Variants in NAALADL2 observed in about 807,000 individuals in gnomAD.
The protein encoded by NAALADL2 is N-acetylated alpha-linked acidic dipeptidase like 2.
A neutral mutation model predicts 87.2 loss-of-function variants in NAALADL2; 76 were observed. That is an observed-to-expected ratio of 0.87 (90% CI 0.72 to 1.05). NAALADL2 has a LOEUF of 1.05. Ranked by LOEUF, NAALADL2 falls within the 50% of genes least tolerant of loss-of-function variation. The pLI is 0.00. For missense variants in NAALADL2, 1,089 were observed against 945.8 expected, an observed-to-expected ratio of 1.15 and a Z score of -1.99; for synonymous variants, 354 against 331.0, an observed-to-expected ratio of 1.07 and a Z score of -0.75.
intron 11 of NAALADL2, among the ~76,000 whole-genome samples, chr3:175,711,514 CATTT>C (rs931939968): frequency 8.6e-5 from 13 of 151,744 alleles, no homozygotes; most frequent in African/African-American, 3.1e-4. Context: ...ATAGAATTTT[CATTT>C]ATTCACAAAA....
intron 3 of NAALADL2, among the ~76,000 whole-genome samples, chr3:174,824,807 C>T (rs1167025832): frequency 3.9e-5 from 6 of 151,948 alleles, no homozygotes; most frequent in Admixed American, 6.6e-5. Context: ...ACTGTTCCTA[C>T]GAACAGATAA....
intron 2 of NAALADL2, among the ~76,000 whole-genome samples, chr3:174,641,679 C>A (rs1723201263): frequency 1.3e-5 from 2 of 152,176 alleles, no homozygotes; most frequent in African/African-American, 4.8e-5. Context: ...AACTAGACAT[C>A]AAAGATGAGA....
intron 9 of NAALADL2, among the ~76,000 whole-genome samples, chr3:175,502,669 G>T (rs188042520): frequency 6.7e-6 from 1 of 149,782 alleles, no homozygotes; most frequent in Non-Finnish European, 1.5e-5. Flanking sequence ...GAGTCAATTC[G>T]TTATAATAAA....
chr3:174,653,169 C>CT (rs1195915239), intron 2 of NAALADL2, among the ~76,000 whole-genome samples: 1 of 152,264 alleles, frequency 6.6e-6, no homozygotes, highest in Non-Finnish European at 1.5e-5. Context: ...TACACATACT[C>CT]TAAGTTCCAA....
intron 1 of NAALADL2, among the ~76,000 whole-genome samples, chr3:175,065,977 A>T (rs1254698235): frequency 1.3e-5 from 2 of 152,154 alleles, no homozygotes; most frequent in Non-Finnish European, 2.9e-5. Context: ...CAAGCTCCAG[A>T]TATGAGTGAA....
At chr3:174,712,836 G>T (rs1730791508) in intron 2 of NAALADL2, among the ~76,000 whole-genome samples, 1 of 151,730 alleles carries the variant, frequency 6.6e-6, no homozygotes, top group Non-Finnish European at 1.5e-5. Context: ...AAGTTTTAGG[G>T]TACATGTGCA....
intron 5 of NAALADL2, among the ~76,000 whole-genome samples, chr3:175,446,877 T>C (rs1319830368): frequency 1.3e-5 from 2 of 152,174 alleles, no homozygotes; most frequent in Admixed American, 6.5e-5. Flanking sequence ...CACTTACATA[T>C]CTGCTTTCCA....
chr3:175,714,968 A>G (rs1476340407), intron 11 of NAALADL2, among the ~76,000 whole-genome samples: 4 of 152,208 alleles, frequency 2.6e-5, no homozygotes, highest in African/African-American at 9.6e-5. Flanking sequence ...GGACATAGCC[A>G]TGGGCAAAGA....
chr3:175,747,651 T>C (rs1486056489), intron 12 of NAALADL2, among the ~76,000 whole-genome samples: 1 of 152,120 alleles, frequency 6.6e-6, no homozygotes, highest in Non-Finnish European at 1.5e-5. Context: ...TTTTTTTTTC[T>C]TTTTCAGTTT....
At chr3:174,871,341 G>T (rs1032821776) in intron 1 of NAALADL2, among the ~76,000 whole-genome samples, 2 of 152,082 alleles carry the variant, frequency 1.3e-5, no homozygotes, top group East Asian at 1.9e-4. Flanking sequence ...TAGCCTTAGG[G>T]TATGAAGAGA....
intron 12 of NAALADL2, among the ~76,000 whole-genome samples, chr3:175,753,013 G>A (rs1432863689): frequency 6.6e-6 from 1 of 152,010 alleles, no homozygotes; most frequent in Non-Finnish European, 1.5e-5. Context: ...TCATAAAATG[G>A]CATTGAGTAA....
intron 1 of NAALADL2, among the ~76,000 whole-genome samples, chr3:174,965,263 G>A (rs1394152009): frequency 2.6e-5 from 4 of 152,130 alleles, no homozygotes; most frequent in Non-Finnish European, 4.4e-5. Context: ...CACAGTGCTG[G>A]TACCAACAGG....
chr3:175,142,363 A>G (rs1242038568), intron 2 of NAALADL2, among the ~76,000 whole-genome samples: 2 of 152,068 alleles, frequency 1.3e-5, no homozygotes, highest in Non-Finnish European at 2.9e-5. Flanking sequence ...GCTCATCTAT[A>G]GACGTACTCC....
intron 5 of NAALADL2, among the ~76,000 whole-genome samples, chr3:175,424,637 G>T (rs1431868509): frequency 6.6e-6 from 1 of 152,016 alleles, no homozygotes; most frequent in Non-Finnish European, 1.5e-5. Flanking sequence ...TATATCATTG[G>T]TCTATATCTC....
At chr3:175,113,624 A>T (rs912990218) in intron 2 of NAALADL2, among the ~76,000 whole-genome samples, 1 of 151,480 alleles carries the variant, frequency 6.6e-6, no homozygotes, top group African/African-American at 2.4e-5. Flanking sequence ...CAGAAGAGCA[A>T]GCAGCGTAAG....
chr3:174,707,326 G>T (rs1206625563), intron 2 of NAALADL2, among the ~76,000 whole-genome samples: 2 of 152,080 alleles, frequency 1.3e-5, no homozygotes, highest in African/African-American at 2.4e-5. Context: ...AAACCATGCT[G>T]CTATAAAGAC....
chr3:174,926,403 A>G (rs1050066310), intron 1 of NAALADL2, among the ~76,000 whole-genome samples: 1 of 152,234 alleles, frequency 6.6e-6, no homozygotes, highest in Non-Finnish European at 1.5e-5. Flanking sequence ...ACACATAATT[A>G]TCAGATTCAC....
intron 4 of NAALADL2, among the ~76,000 whole-genome samples, chr3:175,317,813 T>A (rs1759348183): frequency 1.3e-5 from 2 of 152,150 alleles, no homozygotes; most frequent in African/African-American, 4.8e-5. Context: ...ATAATGTTAA[T>A]TGTTGGTGAG....
At chr3:175,322,856 G>A (rs1304036270) in intron 4 of NAALADL2, among the ~76,000 whole-genome samples, 8 of 149,838 alleles carry the variant, frequency 5.3e-5, no homozygotes, top group African/African-American at 1.5e-4. Context: ...TGGAGAGGAT[G>A]TGGAGAAATA....
Sources: gnomAD v4.1 joint callset for allele counts (sites outside exome capture counted in the v4.1 genomes callset) on GRCh38, gnomAD v4.1.1 for gene constraint, MANE v1.5 for transcripts, NCBI Gene and HGNC (gene_info 2026-07-23, HGNC 2026-07-21) for gene names.